The following CNBD1 variants were observed in gnomAD, a reference collection of about 807,000 sequenced individuals.
CNBD1 encodes cyclic nucleotide binding domain containing 1.
In CNBD1, 71 loss-of-function variants were observed where a neutral mutation model predicts 54.4. The observed-to-expected ratio is 1.30, with a 90% CI of 1.08 to 1.59. The LOEUF (loss-of-function observed/expected upper bound fraction) is 1.59. Ranked by LOEUF, CNBD1 falls within the 40% of genes most tolerant of loss-of-function variation. The pLI is 0.00. For missense variants in CNBD1, 659 were observed against 518.0 expected (o/e 1.27, Z -2.64); for synonymous variants, 182 against 170.7 (o/e 1.07, Z -0.51).
chr8:87,156,403 C>T (rs1388365082), intron 4 of CNBD1, among the ~76,000 whole-genome samples: 3 of 150,630 alleles, frequency 2.0e-5, no homozygotes, highest in Non-Finnish European at 1.5e-5. Context: ...TACCATCATA[C>T]CCGGCTACAT....
intron 4 of CNBD1, among the ~76,000 whole-genome samples, chr8:86,966,430 G>C (rs1037129091): frequency 1.3e-5 from 2 of 152,180 alleles, no homozygotes; most frequent in Non-Finnish European, 2.9e-5. Context: ...TCTTAAAGAT[G>C]GTGTATCCGG....
chr8:87,215,293 A>G (rs913135696), intron 5 of CNBD1, among the ~76,000 whole-genome samples: 5 of 152,160 alleles, frequency 3.3e-5, no homozygotes, highest in African/African-American at 1.2e-4. Context: ...TTTGGACATC[A>G]AGTAACATAG....
At chr8:87,079,908 C>G (rs2130663612) in intron 4 of CNBD1, among the ~76,000 whole-genome samples, 1 of 152,188 alleles carries the variant, frequency 6.6e-6, no homozygotes, top group Non-Finnish European at 1.5e-5. Context: ...ACAATAGATG[C>G]AAAGATTTTT....
At chr8:87,266,846 A>T (rs1178293050) in intron 6 of CNBD1, among the ~76,000 whole-genome samples, 1 of 152,092 alleles carries the variant, frequency 6.6e-6, no homozygotes, top group Non-Finnish European at 1.5e-5. Flanking sequence ...CAGACAGAAA[A>T]GATAAAACTG....
chr8:86,947,389 A>C (rs1484942515), intron 4 of CNBD1, among the ~76,000 whole-genome samples: 1 of 152,086 alleles, frequency 6.6e-6, no homozygotes, highest in Non-Finnish European at 1.5e-5. Context: ...CTTACATAAA[A>C]TTTGGTTTCC....
chr8:86,984,169 G>A (rs1044573991), intron 4 of CNBD1, among the ~76,000 whole-genome samples: 8 of 152,204 alleles, frequency 5.3e-5, no homozygotes, highest in African/African-American at 1.7e-4. Flanking sequence ...TGTGGCTTCA[G>A]AGGGTAAAAG....
chr8:87,041,882 C>T (rs1324421747), intron 4 of CNBD1, among the ~76,000 whole-genome samples: 1 of 152,156 alleles, frequency 6.6e-6, no homozygotes, highest in African/African-American at 2.4e-5. Flanking sequence ...GTGTTTGTTA[C>T]TGGGTGGACT....
chr8:87,334,473 G>T (rs942962138), intron 8 of CNBD1, among the ~76,000 whole-genome samples: 2 of 151,920 alleles, frequency 1.3e-5, no homozygotes, highest in African/African-American at 4.8e-5. Context: ...TGATATTAGG[G>T]TGTTGATTTG....
intron 4 of CNBD1, among the ~76,000 whole-genome samples, chr8:87,192,214 A>T (rs192036516): frequency 6.6e-6 from 1 of 152,146 alleles, no homozygotes; most frequent in Non-Finnish European, 1.5e-5. Flanking sequence ...AGATTTGATG[A>T]TGTTTTAAAA....
chr8:86,964,613 ACCC>A (rs1808022714), intron 4 of CNBD1, among the ~76,000 whole-genome samples: 5 of 152,184 alleles, frequency 3.3e-5, no homozygotes, highest in Admixed American at 3.3e-4. Context: ...AGAAAAGGGG[ACCC>A]GAATCTAAAT....
At chr8:87,245,252 TAG>T (rs1807780449) in intron 6 of CNBD1, among the ~76,000 whole-genome samples, 1 of 151,984 alleles carries the variant, frequency 6.6e-6, no homozygotes, top group South Asian at 2.1e-4. Context: ...AAACATAAAT[TAG>T]AGAAAAAGTA....
chr8:87,258,429 T>A (rs1262476947), intron 6 of CNBD1, among the ~76,000 whole-genome samples: 1,617 of 89,884 alleles, frequency 0.018, 22 homozygotes, highest in African/African-American at 0.063. Context: ...TTTTATTTCT[T>A]TTTTTTCTTT....
chr8:87,229,098 C>T (rs1185798460), intron 5 of CNBD1, among the ~76,000 whole-genome samples: 1 of 152,196 alleles, frequency 6.6e-6, no homozygotes, highest in African/African-American at 2.4e-5. Flanking sequence ...ATGCCTCGCC[C>T]TGCTTTGGCT....
chr8:86,931,262 C>G (rs1243219234), intron 3 of CNBD1, among the ~76,000 whole-genome samples: 3 of 152,142 alleles, frequency 2.0e-5, no homozygotes, highest in Non-Finnish European at 4.4e-5. Flanking sequence ...AGGAAGAAGT[C>G]AATTTCCTGG....
intron 6 of CNBD1, among the ~76,000 whole-genome samples, chr8:87,275,312 A>G (rs1159344601): frequency 6.7e-6 from 1 of 150,274 alleles, no homozygotes; most frequent in African/African-American, 2.5e-5. Context: ...TTCTGTGAAG[A>G]AAGTCATTGG....
intron 8 of CNBD1, among the ~76,000 whole-genome samples, chr8:87,304,359 C>G (rs1809091321): frequency 6.6e-6 from 1 of 151,986 alleles, no homozygotes; most frequent in South Asian, 2.1e-4. Flanking sequence ...AGCTGGAAAC[C>G]ATCATTCTCA....
At chr8:86,904,475 C>T (rs1462162887) in intron 2 of CNBD1, among the ~76,000 whole-genome samples, 4 of 151,990 alleles carry the variant, frequency 2.6e-5, no homozygotes, top group South Asian at 4.1e-4. Context: ...GGTGTAGCTA[C>T]ATATAAGAGT....
At chr8:87,074,748 G>T (rs1208366600) in intron 4 of CNBD1, among the ~76,000 whole-genome samples, 1 of 152,110 alleles carries the variant, frequency 6.6e-6, no homozygotes, top group South Asian at 2.1e-4. Flanking sequence ...TTCTCCGTGG[G>T]TCAGCTTGTT....
chr8:87,378,937 A>G (rs560069340), intron 10 of CNBD1, among the ~76,000 whole-genome samples: 4 of 149,472 alleles, frequency 2.7e-5, no homozygotes, highest in Admixed American at 6.7e-5. Flanking sequence ...GAGTTCACTC[A>G]TGATTTGGCT....
Sources: gnomAD v4.1 joint callset for allele counts (sites outside exome capture counted in the v4.1 genomes callset) on GRCh38, gnomAD v4.1.1 for gene constraint, MANE v1.5 for transcripts, NCBI Gene and HGNC (gene_info 2026-07-23, HGNC 2026-07-21) for gene names.